Variants in POLE2 observed in about 807,000 individuals in gnomAD.
The protein encoded by POLE2 is DNA polymerase epsilon 2, accessory subunit.
In POLE2, 56 loss-of-function variants were observed where a neutral mutation model predicts 79.4. The ratio of observed to expected loss-of-function variants is 0.71; its 90% confidence interval spans 0.57 to 0.88. The LOEUF is 0.88. Among genes scored for constraint, POLE2 ranks in the 40% least tolerant of loss-of-function variants. POLE2 has a pLI of 0.00. For synonymous variants in POLE2, 212 were observed against 214.0 expected (o/e 0.99, Z 0.08); for missense variants, 598 against 638.9 (o/e 0.94, Z 0.69).
chr14:49,687,066 T>C (rs140252290), intron 1 of POLE2, among the ~76,000 whole-genome samples: 5 of 151,970 alleles, frequency 3.3e-5, no homozygotes, highest in African/African-American at 1.2e-4. Context: ...CGAGGACTAC[T>C]TGAGCCCAGG....
intron 5 of POLE2, 40 bp from the exon 6 acceptor site, chr14:49,669,638 C>T (rs1885732123): frequency 4.9e-6 from 5 of 1,024,556 alleles, no homozygotes; most frequent in Non-Finnish European, 6.2e-6. Context: ...CTGAAACAGA[C>T]ATTTAAATAT....
intron 18 of POLE2, among the ~76,000 whole-genome samples, chr14:49,645,761 C>A (rs7147006): frequency 0.23 from 34,700 of 152,146 alleles, 4,253 homozygotes; most frequent in Admixed American, 0.3. Flanking sequence ...CTCCCCAGTA[C>A]CTGGGACTAC....
At chr14:49,660,023 GACTC>G (rs1884987810) in intron 10 of POLE2, among the ~76,000 whole-genome samples, 8 of 152,164 alleles carry the variant, frequency 5.3e-5, no homozygotes, top group Admixed American at 5.2e-4. Context: ...CTCACTCACT[GACTC>G]ACTCAGAGCA....
chr14:49,674,065 A>G, intron 5 of POLE2, 58 bp downstream of exon 5: 2 of 988,308 alleles, frequency 2.0e-6, no homozygotes, highest in Admixed American at 3.6e-5. Flanking sequence ...AAACTGAAAC[A>G]GTCTCCTTTT....
At chr14:49,648,636 C>T (rs116572895) in intron 17 of POLE2, among the ~76,000 whole-genome samples, 2,500 of 152,290 alleles carry the variant, frequency 0.016, 72 homozygotes, top group African/African-American at 0.057. Context: ...GGAGACATTT[C>T]TGATTGTTAC....
intron 2 of POLE2, among the ~76,000 whole-genome samples, chr14:49,682,640 GAAAAAAAAAAAAA>G (rs35984833): frequency 4.4e-4 from 27 of 60,976 alleles, no homozygotes; most frequent in Admixed American, 6.7e-4. Flanking sequence ...CCTTCTCAGG[GAAAAAAAAAAAAA>G]AAAAAAAAAA....
At chr14:49,674,709 G>A (rs1175293140) in intron 3 of POLE2, among the ~76,000 whole-genome samples, 1 of 152,050 alleles carries the variant, frequency 6.6e-6, no homozygotes, top group Admixed American at 6.6e-5. Flanking sequence ...TGGGATCACA[G>A]GCATGCACCA....
At position 49,665,149 on chromosome 14, in the gene POLE2, C is replaced by T. The variant is rs1885388202; in HGVS notation, c.591G>A (p.Leu197=). The T allele has an allele frequency of 7.2e-7, 1 of 1,384,116 alleles. No individual in the cohort carries two copies. Among genetic ancestry groups the T allele is most frequent in the African/African-American group, 1.5e-5 (1 of 68,214 alleles). The allele number at this position is 1,384,116 out of a possible 1,614,324, so 85.7% of individuals were successfully genotyped here. ...ITQLKEGKFF[L]EDPTGTVQLD... ...GTTGGACTGTTCCAGTAGGATCTTC[C>T]AGAAAAAATTTTCCCTAAAAAAATG... The change falls in exon 8 of 19, where the codon CTG becomes CTA. Residue 197 remains leucine (L), a synonymous_variant. Transcript: ENST00000216367.
chr14:49,657,689 C>T (rs1346816812), intron 10 of POLE2, among the ~76,000 whole-genome samples: 2 of 152,192 alleles, frequency 1.3e-5, no homozygotes, highest in African/African-American at 2.4e-5. Flanking sequence ...ATTCACCCTC[C>T]TCGCCCTTCC....
intron 3 of POLE2, chr14:49,677,650 A>G: frequency 1.4e-6 from 1 of 730,442 alleles, no homozygotes; most frequent in Non-Finnish European, 2.2e-6. Context: ...GCTGTGTGAT[A>G]TATGCCACAA....
At chr14:49,649,458 CT>C (rs1204266681) in intron 17 of POLE2, among the ~76,000 whole-genome samples, 4 of 120,462 alleles carry the variant, frequency 3.3e-5, no homozygotes, top group Non-Finnish European at 5.3e-5. Flanking sequence ...TATTTCTTTT[CT>C]TTTTTTTTGA....
At chr14:49,653,630 GTTTT>G (rs540685335) in intron 15 of POLE2, among the ~76,000 whole-genome samples, 9 of 151,114 alleles carry the variant, frequency 6.0e-5, no homozygotes, top group Non-Finnish European at 8.9e-5. Context: ...TTTGTTTTTT[GTTTT>G]TTTTGTTTTT....
At chr14:49,647,415 AT>A (rs1387323059) in intron 17 of POLE2, 55 bp from the exon 18 acceptor site, 1 of 759,624 alleles carries the variant, frequency 1.3e-6, no homozygotes, top group Non-Finnish European at 2.0e-6. Context: ...TTTAAAATAA[AT>A]TTTTTTAAAC....
At chr14:49,673,133 G>A (rs1886016725) in intron 5 of POLE2, among the ~76,000 whole-genome samples, 1 of 151,552 alleles carries the variant, frequency 6.6e-6, no homozygotes, top group Non-Finnish European at 1.5e-5. Context: ...AGTTTCTGCT[G>A]CTTGAGTGTG....
At position 49,669,510 on chromosome 14, in the gene POLE2, G is replaced by C; in HGVS notation, c.492+14C>G. 1.5e-6 allele frequency: 2 copies of C among 1,367,656 alleles called. No individual in the cohort carries two copies. The allele number at this position is 1,367,656 out of a possible 1,614,324, so 84.7% of individuals were successfully genotyped here. A position where few individuals can be genotyped will look rare whatever the true frequency, so the allele number is the denominator to read the frequency against. ...ACACTTATACCCCCTACATAACTAG[G>C]ATAATGTTCTAACCTGGAATTTGCT... On this transcript the variant is annotated intron_variant, in intron 6 of 18. Coordinates refer to ENST00000216367, the MANE Select transcript of POLE2 (RefSeq NM_002692.4).
At chr14:49,644,190 TA>T (rs1438212929) in intron 18 of POLE2, among the ~76,000 whole-genome samples, 1 of 148,840 alleles carries the variant, frequency 6.7e-6, no homozygotes, top group East Asian at 2.1e-4. Context: ...CCAACAACTA[TA>T]TGTCCTTTAT....
chr14:49,667,144 C>T (rs561047854), intron 6 of POLE2, among the ~76,000 whole-genome samples: 2 of 151,834 alleles, frequency 1.3e-5, no homozygotes, highest in Middle Eastern at 3.2e-3. Context: ...GCCGAGATCG[C>T]CTTGCATTCC....
intron 18 of POLE2, among the ~76,000 whole-genome samples, chr14:49,645,531 T>C (rs1420310195): frequency 6.6e-6 from 1 of 152,216 alleles, no homozygotes; most frequent in Non-Finnish European, 1.5e-5. Context: ...TACAAAATTA[T>C]AGTTTGGAAA....
Position 49,688,179 on chromosome 14 carries a change from G to A in POLE2, c.25C>T (p.Arg9Trp), listed in dbSNP as rs778008374. Residue 9 changes from arginine to tryptophan, a missense_variant, in exon 1 of 19, where the codon CGG becomes TGG. Physicochemically the swap from Arg to Trp is moderately radical, Grantham distance 101 (BLOSUM62 -3). Coordinates refer to ENST00000216367, the MANE Select transcript of POLE2 (RefSeq NM_002692.4). The stretch of plus-strand genomic sequence containing the variant: ...CGCAACTTGAAGGCGGAGAGCGCCC[G>A]GCTCCGCAGCCGCTCCGGCGCCATA... MAPERLRSRALSAFKLRGL... is the reference protein window; with the variant it reads MAPERLRSWALSAFKLRGL... 56 of 1,543,798 alleles carry A rather than the reference G, an allele frequency of 3.6e-5. No homozygotes were observed. The highest frequency in any genetic ancestry group is 4.4e-5 in the Non-Finnish European group (51 of 1,146,950).
Sources: gnomAD v4.1 joint callset for allele counts (sites outside exome capture counted in the v4.1 genomes callset) on GRCh38, gnomAD v4.1.1 for gene constraint, MANE v1.5 for transcripts, NCBI Gene and HGNC (gene_info 2026-07-23, HGNC 2026-07-21) for gene names.